USP22: variants seen among roughly 807,000 people sequenced by gnomAD.
USP22 encodes the protein ubiquitin specific peptidase 22, also known as ubiquitin carboxyl-terminal hydrolase 22.
In USP22, 22 loss-of-function variants were observed where a neutral mutation model predicts 68.1. That is an observed-to-expected ratio of 0.32 (90% CI 0.23 to 0.46). The LOEUF (loss-of-function observed/expected upper bound fraction) is 0.46, where lower values mean the gene tolerates loss of function less well. Among genes scored for constraint, USP22 ranks in the 20% least tolerant of loss-of-function variants. The probability of loss-of-function intolerance (pLI) is 1.00; values close to 1 mark genes in which losing one functional copy is unlikely to be tolerated. For missense variants in USP22, 433 were observed against 695.8 expected, an observed-to-expected ratio of 0.62 and a Z score of 4.25; for synonymous variants, 279 against 274.2, an observed-to-expected ratio of 1.02 and a Z score of -0.17.
intron 7 of USP22, among the ~76,000 whole-genome samples, chr17:21,012,239 A>G (rs113002275): frequency 2.6e-5 from 4 of 152,254 alleles, no homozygotes; most frequent in African/African-American, 4.8e-5. Context: ...CCTGGGCAAC[A>G]TACACAAGAC....
chr17:21,029,295 G>A (rs554728074), intron 1 of USP22, among the ~76,000 whole-genome samples: 2 of 152,244 alleles, frequency 1.3e-5, no homozygotes, highest in African/African-American at 2.4e-5. Flanking sequence ...AGGGACAGCC[G>A]CCACTGGCAA....
At position 21,028,615 on chromosome 17, in the gene USP22, G is replaced by C; in HGVS notation, c.231C>G (p.Leu77=). 1 of 1,614,046 alleles carries C rather than the reference G, an allele frequency of 6.2e-7. No homozygotes were observed. Among genetic ancestry groups the C allele is most frequent in the African/African-American group, 1.3e-5 (1 of 75,026 alleles). The change falls in exon 2 of 13, where the codon CTC becomes CTG. Residue 77 remains leucine, a synonymous_variant. Coordinates refer to ENST00000261497, the MANE Select transcript of USP22 (RefSeq NM_015276.2). ...GVHLNRLHSC[L]YCVFFGCFTK... ...TGAAACAGCCGAAGAAGACACAGTA[G>C]AGGCAGGAATGCAGCCTGTTGAGGT...
rs527467403 is a variant in USP22, at chr17:21,042,787, C to G, written c.49G>C (p.Ala17Pro). The change falls in exon 1 of 13, where the codon GCG (alanine) becomes CCG (proline). Residue 17 changes from alanine (A) to proline (P), a missense_variant. By Grantham distance (27) the Ala-to-Pro change is conservative. Transcript: ENST00000261497. ...TGCGAGCAGCCCGGCGGCGCTACCG[C>G]CAGCTCGGCGTCCATGGCCTCGCCC... ...PEGEAMDAELAVAPPGCSHLG... is the reference protein window; with the variant it reads ...PEGEAMDAELPVAPPGCSHLG... The G allele has an allele frequency of 4.9e-4, 730 of 1,486,972 alleles. 13 individuals are homozygous for G. In the South Asian group the frequency reaches 8.7e-3, roughly 18 times the overall value. 92.1% of individuals were successfully genotyped at this position (1,486,972 alleles called of 1,614,324 possible).
At chr17:21,041,244 C>A (rs559037466) in intron 1 of USP22, among the ~76,000 whole-genome samples, 107 of 152,234 alleles carry the variant, frequency 7.0e-4, no homozygotes, top group African/African-American at 2.4e-3. Context: ...GATCCTGAAA[C>A]GTTTTATGTC....
At chr17:21,011,455 G>A (rs1452461200) in intron 7 of USP22, 146 bp from the exon 8 acceptor site, 10 of 1,068,478 alleles carry the variant, frequency 9.4e-6, no homozygotes, top group African/African-American at 3.2e-5. Flanking sequence ...AGGAGCAAGA[G>A]CAGCAGTGCT....
At chr17:21,009,535 C>T (rs899340) in intron 8 of USP22, among the ~76,000 whole-genome samples, 70,705 of 152,044 alleles carry the variant, frequency 0.47, 17,621 homozygotes, top group South Asian at 0.57. Context: ...CCTAACAACA[C>T]AGGCTTCCCA....
At chr17:21,020,349 G>A (rs1261981264) in intron 3 of USP22, among the ~76,000 whole-genome samples, 1 of 151,468 alleles carries the variant, frequency 6.6e-6, no homozygotes, top group African/African-American at 2.4e-5. Flanking sequence ...ACTCTGTGTA[G>A]CCAATAACCA....
intron 1 of USP22, among the ~76,000 whole-genome samples, chr17:21,040,778 A>G (rs1972418161): frequency 6.6e-6 from 1 of 152,152 alleles, no homozygotes; most frequent in South Asian, 2.1e-4. Flanking sequence ...TCCCCACTTC[A>G]TCCAAAGTAG....
rs2143486922 is a variant in USP22, at chr17:21,000,699, TGCC to T, written c.*2329_*2331del. 1 of 152,390 alleles carries T rather than the reference TGCC, an allele frequency of 6.6e-6. No individual in the cohort carries two copies. The highest frequency in any genetic ancestry group is 2.1e-4 in the South Asian group (1 of 4,830). The allele number at this position is 152,390 out of a possible 1,614,324, so 9.4% of individuals were successfully genotyped here. On this transcript the variant is annotated 3_prime_UTR_variant, in exon 13 of 13. Coordinates refer to ENST00000261497, the MANE Select transcript of USP22 (RefSeq NM_015276.2). ...AGGTGGCAAGCCTTCATGAAGGCAC[TGCC>T]CAGCTCACAATCCTGTGGGCCAACT...
At chr17:21,009,340 T>A (rs961592900) in intron 8 of USP22, among the ~76,000 whole-genome samples, 1 of 152,192 alleles carries the variant, frequency 6.6e-6, no homozygotes, top group Non-Finnish European at 1.5e-5. Flanking sequence ...CTGGAAATTC[T>A]GCCATCTTAA....
In USP22 at chr17:21,002,954, G is replaced by T; in HGVS notation, c.*77C>A. On this transcript the variant is annotated 3_prime_UTR_variant, in exon 13 of 13. Transcript: ENST00000261497. ...GGGAGGCGGCGGGAGACTTGGGGGAGGGGGGGGCCAGGGAGGATCACTTTG... is the reference window on the plus strand; with the variant it reads ...GGGAGGCGGCGGGAGACTTGGGGGATGGGGGGGCCAGGGAGGATCACTTTG... 6.6e-7 allele frequency: 1 copy of T among 1,509,988 alleles called. No homozygotes were observed. The highest frequency in any genetic ancestry group is 1.7e-5 in the Admixed American group (1 of 57,178). The allele number at this position is 1,509,988 out of a possible 1,614,324, so 93.5% of individuals were successfully genotyped here. A position where few individuals can be genotyped will look rare whatever the true frequency, so the allele number is the denominator to read the frequency against.
chr17:21,009,507 G>C (rs1326478730), intron 8 of USP22, among the ~76,000 whole-genome samples: 2 of 152,150 alleles, frequency 1.3e-5, no homozygotes, highest in African/African-American at 2.4e-5. Context: ...CCGGGAGTCA[G>C]CACCACATCA....
At chr17:21,007,066 A>G (rs1913805364) in intron 9 of USP22, 79 bp from the exon 10 acceptor site, 1 of 1,199,770 alleles carries the variant, frequency 8.3e-7, no homozygotes, top group African/African-American at 1.5e-5. Context: ...CCTTCTTCTG[A>G]TGACAGGTGT....
At chr17:21,042,528 A>AGAAGGAGAGAGGAAGAG (rs1972452187) in intron 1 of USP22, 137 bp downstream of exon 1, 1 of 801,256 alleles carries the variant, frequency 1.2e-6, no homozygotes, top group South Asian at 4.7e-5. Flanking sequence ...AAGAGAGGGC[A>AGAAGGAGAGAGGAAGAG]GAAGGAGAGA....
Position 21,028,645 on chromosome 17 carries a change from G to A in USP22, c.201C>T (p.Gly67=), listed in dbSNP as rs1047038525. 3.1e-6 allele frequency: 5 copies of A among 1,613,870 alleles called. No homozygotes were observed. The Admixed American group carries it at 6.7e-5, about 22-fold the overall frequency. Residue 67 remains glycine, a synonymous_variant, in exon 2 of 13, where the codon GGC becomes GGT. Transcript: ENST00000261497. ...AGGAATGCAGCCTGTTGAGGTGGACGCCACAGACATGGCAGATACAGGACT... is the reference window on the plus strand; with the variant it reads ...AGGAATGCAGCCTGTTGAGGTGGACACCACAGACATGGCAGATACAGGACT... ...KAKSCICHVC[G]VHLNRLHSCL...
At chr17:21,031,215 G>A (rs1427549491) in intron 1 of USP22, among the ~76,000 whole-genome samples, 4 of 152,284 alleles carry the variant, frequency 2.6e-5, no homozygotes, top group East Asian at 3.9e-4. Flanking sequence ...CCAAAGACAC[G>A]TACAAGGACT....
At chr17:21,024,356 T>C (rs903215722) in intron 2 of USP22, among the ~76,000 whole-genome samples, 10 of 152,192 alleles carry the variant, frequency 6.6e-5, no homozygotes, top group African/African-American at 2.4e-4. Flanking sequence ...TAAATCCTTC[T>C]AGATTTAGGC....
intron 2 of USP22, among the ~76,000 whole-genome samples, chr17:21,028,005 T>C (rs557585135): frequency 2.0e-5 from 3 of 152,280 alleles, no homozygotes; most frequent in South Asian, 2.1e-4. Context: ...CTGAGTTTTA[T>C]GTAACTTCTA....
rs540529267 is a variant in USP22, at chr17:21,009,200, G to T, written c.1104-1204C>A. ...TGCATCAGAAGCGTGTCTGGCACAG[G>T]TGTCAGCTGCCACTGACAAAACCTG... On this transcript the variant is annotated intron_variant, in intron 8 of 12. Transcript: ENST00000261497. Among the ~76,000 whole-genome samples the T allele has an allele frequency of 4.5e-4, 68 of 152,052 alleles. No homozygotes were observed. The South Asian group carries it at 0.013, about 30-fold the overall frequency.
Sources: gnomAD v4.1 joint callset for allele counts (sites outside exome capture counted in the v4.1 genomes callset) on GRCh38, gnomAD v4.1.1 for gene constraint, MANE v1.5 for transcripts, NCBI Gene and HGNC (gene_info 2026-07-23, HGNC 2026-07-21) for gene names.